The following ZBTB16 variants were observed in gnomAD, a reference collection of about 807,000 sequenced individuals.
ZBTB16 encodes zinc finger and BTB domain containing 16.
In ZBTB16, 8 loss-of-function variants were observed where a neutral mutation model predicts 56.8. The ratio of observed to expected loss-of-function variants is 0.14; its 90% CI spans 0.08 to 0.25. The LOEUF (loss-of-function observed/expected upper bound fraction) is 0.25. ZBTB16 is among the 10% of genes least tolerant of loss of function. The pLI is 1.00. For missense variants in ZBTB16, 625 were observed against 903.0 expected, an observed-to-expected ratio of 0.69 and a Z score of 3.95; for synonymous variants, 363 against 368.5, an observed-to-expected ratio of 0.98 and a Z score of 0.17.
chr11:114,064,521 C>A lies in ZBTB16; in HGVS notation c.1221C>A (p.Ser407Arg). ...GCCGGACCATCGGAGAGCAGTGCAG[C>A]GTGTGTGGGGTCGAGCTTCCTGATA... ...SESRTIGEQC[S>R]VCGVELPDNE... The change falls in exon 2 of 7, where the codon AGC (serine) becomes AGA (arginine). Residue 407 changes from serine to arginine, a missense_variant. Ser to Arg is a moderately radical substitution (Grantham distance 110). Around this residue, in one of 6 missense-constraint regions of ZBTB16, gnomAD observed 384 missense variants for 393.5 expected, o/e 0.98. Coordinates refer to ENST00000335953, the MANE Select transcript of ZBTB16 (RefSeq NM_006006.6). The surrounding 1 kb of genome is among the most constrained non-coding windows in gnomAD (Gnocchi z 4.2). The A allele has an allele frequency of 1.2e-6, 2 of 1,614,040 alleles. No homozygotes were observed. The highest frequency in any genetic ancestry group is 1.7e-6 in the Non-Finnish European group (2 of 1,180,018).
At chr11:114,227,671 T>C (rs1362570894) in intron 4 of ZBTB16, among the ~76,000 whole-genome samples, 1 of 152,114 alleles carries the variant, frequency 6.6e-6, no homozygotes, top group Non-Finnish European at 1.5e-5. Flanking sequence ...CTGGGCCTCC[T>C]GTAGTGTCCT....
At position 114,166,066 on chromosome 11, in the gene ZBTB16, C is replaced by G. The variant is rs147182048; in HGVS notation, c.1366+9632C>G. Among the ~76,000 whole-genome samples, 412 of 152,234 alleles carry G rather than the reference C, an allele frequency of 2.7e-3. 4 individuals carry two copies. The highest frequency in any genetic ancestry group is 0.011 in the South Asian group (55 of 4,824). On this transcript the variant is annotated intron_variant, in intron 3 of 6. Transcript: ENST00000335953. Reference sequence around the variant, plus strand: ...GTAGCATCCTGGCCTCCACACTAACCCTCGGTGACTGTCAGTGAAATGGCA... The same window carrying G: ...GTAGCATCCTGGCCTCCACACTAACGCTCGGTGACTGTCAGTGAAATGGCA...
chr11:114,213,100 G>T (rs1944028296), intron 4 of ZBTB16, among the ~76,000 whole-genome samples: 1 of 151,934 alleles, frequency 6.6e-6, no homozygotes, highest in Non-Finnish European at 1.5e-5. Context: ...GCTGTGACTG[G>T]CCAGGACACC....
chr11:114,226,480 C>T (rs1275923413), intron 4 of ZBTB16, among the ~76,000 whole-genome samples: 5 of 152,098 alleles, frequency 3.3e-5, no homozygotes, highest in Admixed American at 6.5e-5. Context: ...AGGCAGTGGC[C>T]CAAAAACTCC....
At chr11:114,140,656 G>C (rs1218788089) in intron 2 of ZBTB16, among the ~76,000 whole-genome samples, 1 of 152,220 alleles carries the variant, frequency 6.6e-6, no homozygotes, top group African/African-American at 2.4e-5. Flanking sequence ...AGAAGCAACA[G>C]CTCTTTTGAG....
intron 5 of ZBTB16, among the ~76,000 whole-genome samples, chr11:114,245,226 G>A (rs1944790501): frequency 6.6e-6 from 1 of 152,206 alleles, no homozygotes; most frequent in African/African-American, 2.4e-5. Context: ...TGGGCAGGTA[G>A]CAATTTCCCC....
At chr11:114,136,477 G>C (rs922593063) in intron 2 of ZBTB16, among the ~76,000 whole-genome samples, 2 of 152,170 alleles carry the variant, frequency 1.3e-5, no homozygotes, top group Admixed American at 1.3e-4. Flanking sequence ...CTGAGGCCTA[G>C]AGAGCATAAG....
At chr11:114,186,636 C>T (rs1213389049) in intron 3 of ZBTB16, among the ~76,000 whole-genome samples, 1 of 149,402 alleles carries the variant, frequency 6.7e-6, no homozygotes, top group Non-Finnish European at 1.5e-5. Context: ...CTGTCCCCCC[C>T]ATCACCTGGA....
chr11:114,081,585 G>C (rs1005156567), intron 2 of ZBTB16, among the ~76,000 whole-genome samples: 1 of 152,134 alleles, frequency 6.6e-6, no homozygotes, highest in Admixed American at 6.5e-5. Flanking sequence ...TAGACAAGAC[G>C]TCTACCCTCC....
intron 4 of ZBTB16, among the ~76,000 whole-genome samples, chr11:114,220,788 G>A (rs550507925): frequency 6.6e-6 from 1 of 152,342 alleles, no homozygotes; most frequent in East Asian, 1.9e-4. Flanking sequence ...TCCCTCTAGG[G>A]ACGGTCATGA....
rs756265170 is a variant in ZBTB16 at position 114,210,203 on chromosome 11, G to A, written c.1453+23165G>A. 6.6e-5 allele frequency among the ~76,000 whole-genome samples: 10 copies of A among 151,680 alleles called. No homozygotes were observed. In the South Asian group the frequency reaches 1.0e-3, roughly 16 times the overall value. ...TGTGTGTGTGTGTGTGCGTGCGCGC[G>A]CGTGCACAGTTTGTGAGTGTCGGGT... On this transcript the variant is annotated intron_variant, in intron 4 of 6. Coordinates refer to ENST00000335953, the MANE Select transcript of ZBTB16 (RefSeq NM_006006.6).
chr11:114,129,542 T>C (rs1028995421), intron 2 of ZBTB16, among the ~76,000 whole-genome samples: 12 of 152,262 alleles, frequency 7.9e-5, no homozygotes, highest in Non-Finnish European at 1.6e-4. Context: ...ATTCTTTGTC[T>C]TGGCCAGATT....
At chr11:114,176,982 T>A (rs1256824121) in intron 3 of ZBTB16, among the ~76,000 whole-genome samples, 1 of 152,136 alleles carries the variant, frequency 6.6e-6, no homozygotes, top group Non-Finnish European at 1.5e-5. Context: ...GCCATTTACT[T>A]ATTGCGATTG....
chr11:114,215,277 G>T (rs1405769181), intron 4 of ZBTB16, among the ~76,000 whole-genome samples: 4 of 152,206 alleles, frequency 2.6e-5, no homozygotes, highest in Admixed American at 2.6e-4. Flanking sequence ...TGTTTTAGAA[G>T]TTGGCCTTCT....
intron 3 of ZBTB16, among the ~76,000 whole-genome samples, chr11:114,159,296 T>C (rs1299154622): frequency 4.6e-5 from 7 of 152,162 alleles, no homozygotes; most frequent in Admixed American, 1.3e-4. Flanking sequence ...TCCTAGTTTT[T>C]CCTTTCCATG....
intron 4 of ZBTB16, among the ~76,000 whole-genome samples, chr11:114,192,768 G>A (rs934154654): frequency 7.2e-5 from 11 of 152,316 alleles, no homozygotes; most frequent in African/African-American, 2.6e-4. Context: ...CAGGGTCCCA[G>A]CCATTTTCTT....
At chr11:114,197,877 C>A (rs145747860) in intron 4 of ZBTB16, among the ~76,000 whole-genome samples, 16 of 152,214 alleles carry the variant, frequency 1.1e-4, no homozygotes, top group African/African-American at 2.4e-4. Flanking sequence ...AGGGACAGTG[C>A]TGGGCACCAA....
intron 3 of ZBTB16, among the ~76,000 whole-genome samples, chr11:114,173,545 G>A (rs76621829): frequency 0.035 from 5,285 of 152,282 alleles, 152 homozygotes; most frequent in East Asian, 0.11. Context: ...CTCTAGGAGG[G>A]ATGCCTAGGC....
rs182346284 is a variant in ZBTB16 at position 114,101,529 on chromosome 11, G to C, written c.1268+36961G>C. Among the ~76,000 whole-genome samples the C allele has an allele frequency of 2.0e-4, 31 of 152,230 alleles. No individual in the cohort carries two copies. In the East Asian group the frequency reaches 5.8e-3, roughly 28 times the overall value. On this transcript the variant is annotated intron_variant, in intron 2 of 6. Transcript: ENST00000335953. ...ACTGAGTGACTGAAGAGAGGAACAT[G>C]GTGTGATTTGGTAGAAAGATCTGTA... is the stretch of plus-strand genomic sequence containing the variant.
Sources: allele counts gnomAD v4.1 joint callset (sites outside exome capture counted in the v4.1 genomes callset), GRCh38; gene constraint gnomAD v4.1.1; regional missense constraint gnomAD v4.1.1; non-coding constraint Gnocchi (gnomAD v3.1); transcripts MANE v1.5; gene names NCBI Gene and HGNC (gene_info 2026-07-23, HGNC 2026-07-21).